Variants in ESRRG observed in about 807,000 individuals in gnomAD.
ESRRG encodes estrogen related receptor gamma.
Under a neutral mutation model 44.0 loss-of-function variants are expected in ESRRG, and 13 were observed. The ratio of observed to expected loss-of-function variants is 0.30; its 90% CI spans 0.19 to 0.47. The LOEUF (loss-of-function observed/expected upper bound fraction) is 0.47. Ranked by LOEUF, ESRRG falls within the 20% of genes least tolerant of loss-of-function variation. The pLI is 1.00. For missense variants in ESRRG, 395 were observed against 580.6 expected, an observed-to-expected ratio of 0.68 and a Z score of 3.29; for synonymous variants, 215 against 214.6, an observed-to-expected ratio of 1.00 and a Z score of -0.02.
chr1:217,021,077 T>C (rs12745225), intron 1 of ESRRG, among the ~76,000 whole-genome samples: 22,109 of 108,712 alleles, frequency 0.2, 2,101 homozygotes, highest in East Asian at 0.27. Flanking sequence ...CACACACACA[T>C]ACACACAGAG....
intron 2 of ESRRG, among the ~76,000 whole-genome samples, chr1:216,881,800 G>A (rs1483088160): frequency 6.6e-6 from 1 of 152,102 alleles, no homozygotes; most frequent in Non-Finnish European, 1.5e-5. Flanking sequence ...TGTTTCAAGG[G>A]GAATGAAGAT....
intron 2 of ESRRG, among the ~76,000 whole-genome samples, chr1:216,651,451 G>T (rs2068926523): frequency 6.6e-6 from 1 of 152,180 alleles, no homozygotes; most frequent in Admixed American, 6.5e-5. Context: ...CAGATTCTTG[G>T]ATTGTCAATC....
At chr1:216,923,792 C>A (rs142451030) in intron 2 of ESRRG, among the ~76,000 whole-genome samples, 89 of 152,282 alleles carry the variant, frequency 5.8e-4, no homozygotes, top group African/African-American at 2.1e-3. Flanking sequence ...TCCAGTGTCA[C>A]AATGAAGGGC....
At position 216,837,610 on chromosome 1, in the gene ESRRG, T is replaced by A. The variant is rs576869124; in HGVS notation, c.-14+101972A>T. Among the ~76,000 whole-genome samples the A allele has an allele frequency of 5.3e-5, 8 of 152,144 alleles. No individual in the cohort carries two copies. In the East Asian group the frequency reaches 1.5e-3, roughly 29 times the overall value. ...TGAGAGTCCAAAGATCCCCTGGTCA[T>A]CAAGAGAATCTGAGAGAGTGGGCTG... On this transcript the variant is annotated intron_variant, in intron 2 of 7. Coordinates refer to the ESRRG transcript ENST00000359162.
At chr1:217,042,437 A>G (rs1311079781) in intron 1 of ESRRG, among the ~76,000 whole-genome samples, 2 of 151,192 alleles carry the variant, frequency 1.3e-5, no homozygotes, top group African/African-American at 4.9e-5. Context: ...CTAGGAGGAA[A>G]GTAAAGGAAA....
intron 1 of ESRRG, among the ~76,000 whole-genome samples, chr1:216,719,987 A>C (rs1434170587): frequency 1.3e-5 from 2 of 152,110 alleles, no homozygotes; most frequent in African/African-American, 2.4e-5. Context: ...AGGGTAATAC[A>C]TAAATACCCT....
chr1:216,582,876 G>A (rs896874790), intron 3 of ESRRG, among the ~76,000 whole-genome samples: 3 of 152,134 alleles, frequency 2.0e-5, no homozygotes, highest in Non-Finnish European at 2.9e-5. Flanking sequence ...GGAGGAATTC[G>A]GTTTTAATAG....
intron 1 of ESRRG, among the ~76,000 whole-genome samples, chr1:217,038,631 AG>A (rs532414615): frequency 3.3e-4 from 50 of 152,284 alleles, no homozygotes; most frequent in African/African-American, 1.1e-3. Flanking sequence ...TGCATAGAGC[AG>A]GGGGTTCCCT....
intron 2 of ESRRG, among the ~76,000 whole-genome samples, chr1:216,772,114 A>G (rs1030443747): frequency 6.6e-6 from 1 of 152,084 alleles, no homozygotes; most frequent in Non-Finnish European, 1.5e-5. Context: ...AGCAATACAG[A>G]GTAGAGGGAT....
intron 5 of ESRRG, among the ~76,000 whole-genome samples, chr1:216,560,751 G>C (rs2058567357): frequency 6.6e-6 from 1 of 152,174 alleles, no homozygotes; most frequent in South Asian, 2.1e-4. Context: ...CAGTACCTCC[G>C]TATCTACATA....
At chr1:216,972,262 G>A (rs1006507657) in intron 1 of ESRRG, among the ~76,000 whole-genome samples, 1 of 152,118 alleles carries the variant, frequency 6.6e-6, no homozygotes, top group Admixed American at 6.6e-5. Context: ...TCTATCAGGA[G>A]TTACTGTCAG....
intron 1 of ESRRG, among the ~76,000 whole-genome samples, chr1:216,709,809 A>AC (rs1171278918): frequency 9.1e-6 from 1 of 110,126 alleles, no homozygotes; most frequent in Non-Finnish European, 2.1e-5. Context: ...TTAAACACAC[A>AC]AAAAAATCTT....
chr1:217,082,861 C>T (rs962016315), intron 1 of ESRRG, among the ~76,000 whole-genome samples: 11 of 152,146 alleles, frequency 7.2e-5, no homozygotes, highest in African/African-American at 2.7e-4. Flanking sequence ...GCTAATATTT[C>T]AGTATATCAG....
At chr1:216,942,357 T>C (rs2065386087) in intron 1 of ESRRG, among the ~76,000 whole-genome samples, 1 of 152,192 alleles carries the variant, frequency 6.6e-6, no homozygotes, top group African/African-American at 2.4e-5. Flanking sequence ...CTATTGTGAA[T>C]AGTGCTGTGG....
chr1:217,127,856 C>A (rs183439783), intron 1 of ESRRG, among the ~76,000 whole-genome samples: 76 of 152,302 alleles, frequency 5.0e-4, no homozygotes, highest in African/African-American at 1.6e-3. Flanking sequence ...CTAAAGCTTC[C>A]ATTTTTTTAA....
At chr1:217,027,302 C>T (rs997077200) in intron 1 of ESRRG, among the ~76,000 whole-genome samples, 8 of 152,138 alleles carry the variant, frequency 5.3e-5, no homozygotes, top group Admixed American at 1.3e-4. Context: ...ATCTTCTGCT[C>T]AATGACAAGC....
At chr1:216,596,486 C>T (rs543499533) in intron 3 of ESRRG, among the ~76,000 whole-genome samples, 7 of 152,306 alleles carry the variant, frequency 4.6e-5, no homozygotes, top group South Asian at 4.1e-4. Flanking sequence ...TATACTCCTC[C>T]GCTAGCTTCA....
intron 2 of ESRRG, among the ~76,000 whole-genome samples, chr1:216,857,947 T>G (rs574008920): frequency 6.6e-6 from 1 of 152,264 alleles, no homozygotes; most frequent in East Asian, 1.9e-4. Flanking sequence ...AGTCAGAAAG[T>G]CTGAGTTGCA....
intron 1 of ESRRG, among the ~76,000 whole-genome samples, chr1:216,976,852 T>C (rs145055272): frequency 6.6e-6 from 1 of 152,268 alleles, no homozygotes; most frequent in Non-Finnish European, 1.5e-5. Context: ...GTTTAGGTAA[T>C]TGTATTCCAT....
Sources: gnomAD v4.1 joint callset for allele counts (sites outside exome capture counted in the v4.1 genomes callset) on GRCh38, gnomAD v4.1.1 for gene constraint, MANE v1.5 for transcripts, NCBI Gene and HGNC (gene_info 2026-07-23, HGNC 2026-07-21) for gene names.